Variants in TLN2 observed in about 807,000 individuals in gnomAD.
TLN2 encodes talin 2, also known as talin-2.
In TLN2, 118 loss-of-function variants were observed where a neutral mutation model predicts 294.7. The ratio of observed to expected loss-of-function variants is 0.40; its 90% CI spans 0.34 to 0.47. TLN2 has a LOEUF of 0.47. Among genes scored for constraint, TLN2 ranks in the 20% least tolerant of loss-of-function variants. The pLI, the probability that TLN2 is intolerant of heterozygous loss-of-function variation, is 0.84. For synonymous variants in TLN2, 1,431 were observed against 1,304.5 expected, an observed-to-expected ratio of 1.10 and a Z score of -2.09; for missense variants, 3,083 against 3,282.2, an observed-to-expected ratio of 0.94 and a Z score of 1.48.
intron 1 of TLN2, among the ~76,000 whole-genome samples, chr15:62,462,183 G>A (rs1444074697): frequency 4.6e-5 from 7 of 152,216 alleles, no homozygotes; most frequent in African/African-American, 1.7e-4. Flanking sequence ...GCAGTGAGCC[G>A]AGATTGCGGC....
intron 31 of TLN2, 187 bp from the exon 32 acceptor site, chr15:62,740,443 C>T: frequency 1.5e-6 from 1 of 669,018 alleles, no homozygotes; most frequent in Non-Finnish European, 2.5e-6. Flanking sequence ...TTGATCTGAG[C>T]ATCTGTTTGG....
chr15:62,710,890 T>C lies in TLN2; in HGVS notation c.2468-1021T>C, dbSNP rs547554379. Among the ~76,000 whole-genome samples, 3 of 152,084 alleles carry C rather than the reference T, an allele frequency of 2.0e-5. No individual in the cohort carries two copies. The South Asian group carries it at 6.2e-4, about 32-fold the overall frequency. On this transcript the variant is annotated intron_variant, in intron 21 of 58. Coordinates refer to ENST00000636159, the MANE Select transcript of TLN2 (RefSeq NM_015059.3). ...ACAGGCGCCCACCACCACGCCCGGC[T>C]AATTTTTTTGTGTTTTTAGTAGAGA...
At chr15:62,697,171 G>A (rs1036754908) in intron 14 of TLN2, among the ~76,000 whole-genome samples, 8 of 151,994 alleles carry the variant, frequency 5.3e-5, no homozygotes, top group African/African-American at 7.2e-5. Flanking sequence ...ACAGTGGCGC[G>A]ATCATAGCTC....
chr15:62,411,292 A>T (rs1489392573), intron 1 of TLN2, among the ~76,000 whole-genome samples: 3 of 152,236 alleles, frequency 2.0e-5, no homozygotes, highest in African/African-American at 4.8e-5. Context: ...TGTCCTCATG[A>T]GTAAAACGTG....
rs2070652353 is a variant in TLN2 at position 62,841,180 on chromosome 15, CTTT to C, written c.*571_*573del. ...AAAAATTCCCGCCCCTGTTTGCACG[CTTT>C]CTTGCCTCCGTGTGTAAGCTCCTTG... On this transcript the variant is annotated 3_prime_UTR_variant, in exon 59 of 59. Transcript: ENST00000636159. The C allele has an allele frequency of 1.3e-5, 2 of 152,908 alleles. No homozygotes were observed. Among genetic ancestry groups the C allele is most frequent in the South Asian group, 4.1e-4 (2 of 4,828 alleles). The allele number at this position is 152,908 out of a possible 1,614,324, so 9.5% of individuals were successfully genotyped here. A position where few individuals can be genotyped will look rare whatever the true frequency, so the allele number is the denominator to read the frequency against.
chr15:62,509,073 TTAAG>T (rs1299298970), intron 1 of TLN2, among the ~76,000 whole-genome samples: 1 of 152,202 alleles, frequency 6.6e-6, no homozygotes, highest in East Asian at 1.9e-4. Context: ...TATAGAAAGC[TTAAG>T]TAAGGTGCTT....
intron 1 of TLN2, among the ~76,000 whole-genome samples, chr15:62,480,706 A>T (rs770680684): frequency 1.3e-5 from 2 of 152,168 alleles, no homozygotes; most frequent in Non-Finnish European, 2.9e-5. Flanking sequence ...CCTGCGTTGC[A>T]TGCCCTACGT....
At chr15:62,575,849 A>G (rs145731118) in intron 1 of TLN2, among the ~76,000 whole-genome samples, 27 of 152,332 alleles carry the variant, frequency 1.8e-4, no homozygotes, top group Non-Finnish European at 2.9e-5. Context: ...TGTATGGAAA[A>G]TGCCCAGCCC....
chr15:62,427,612 C>A (rs142511876), intron 1 of TLN2, among the ~76,000 whole-genome samples: 1 of 152,110 alleles, frequency 6.6e-6, no homozygotes, highest in Non-Finnish European at 1.5e-5. Context: ...CCTCCCCTTC[C>A]GCAGCAGCAT....
At chr15:62,467,669 A>G (rs1158019673) in intron 1 of TLN2, among the ~76,000 whole-genome samples, 1 of 132,700 alleles carries the variant, frequency 7.5e-6, no homozygotes, top group African/African-American at 2.8e-5. Context: ...TGGGTGACAG[A>G]GTGAGACTCT....
intron 42 of TLN2, among the ~76,000 whole-genome samples, chr15:62,771,802 G>A (rs1255975182): frequency 6.6e-6 from 1 of 152,228 alleles, no homozygotes; most frequent in Non-Finnish European, 1.5e-5. Context: ...GATGGACTGG[G>A]CTGCAGGGTG....
intron 3 of TLN2, among the ~76,000 whole-genome samples, chr15:62,629,042 T>A (rs999573426): frequency 2.0e-5 from 3 of 151,884 alleles, no homozygotes; most frequent in Non-Finnish European, 4.4e-5. Flanking sequence ...AAAAAAAATT[T>A]AAAAATTAGC....
At chr15:62,644,894 G>C in intron 3 of TLN2, 1 of 295,192 alleles carries the variant, frequency 3.4e-6, no homozygotes, top group Non-Finnish European at 6.6e-6. Flanking sequence ...AGCCTGGGAA[G>C]GGCAGACTTC....
chr15:62,840,422 G>C lies in TLN2; in HGVS notation c.7501-60G>C, dbSNP rs115904438. The C allele has an allele frequency of 6.8e-4, 1,094 of 1,597,126 alleles. 5 individuals carry two copies. The African/African-American group carries it at 0.014, about 20-fold the overall frequency. On this transcript the variant is annotated intron_variant, in intron 58 of 58. Coordinates refer to ENST00000636159, the MANE Select transcript of TLN2 (RefSeq NM_015059.3). Reference sequence around the variant, plus strand: ...CCGTGGAGCTCACATGAGCAGTGGGGTGGGTCGGAGGGTTTTCTACAAAGT... The same window carrying C: ...CCGTGGAGCTCACATGAGCAGTGGGCTGGGTCGGAGGGTTTTCTACAAAGT...
At chr15:62,450,644 T>A (rs2036080746) in intron 1 of TLN2, among the ~76,000 whole-genome samples, 1 of 152,048 alleles carries the variant, frequency 6.6e-6, no homozygotes, top group African/African-American at 2.4e-5. Context: ...GCATGAACGC[T>A]GATCACTGCA....
intron 48 of TLN2, among the ~76,000 whole-genome samples, chr15:62,799,818 A>T (rs183760377): frequency 2.6e-5 from 4 of 152,256 alleles, no homozygotes; most frequent in African/African-American, 4.8e-5. Flanking sequence ...ATTTGAGTTA[A>T]GGCCCAAGTG....
chr15:62,620,983 C>T (rs937578116), intron 3 of TLN2, among the ~76,000 whole-genome samples: 4 of 151,720 alleles, frequency 2.6e-5, no homozygotes, highest in South Asian at 2.1e-4. Context: ...GGACTGCAGG[C>T]GCCCGCCACC....
chr15:62,417,782 A>G (rs969540035), intron 1 of TLN2, among the ~76,000 whole-genome samples: 3 of 152,222 alleles, frequency 2.0e-5, no homozygotes, highest in Non-Finnish European at 2.9e-5. Context: ...AAGTAGCACC[A>G]TTGGAGGAAT....
chr15:62,741,853 T>C (rs2061348050), intron 32 of TLN2, among the ~76,000 whole-genome samples: 1 of 150,522 alleles, frequency 6.6e-6, no homozygotes, highest in Non-Finnish European at 1.5e-5. Context: ...GCTTTAATAC[T>C]TGACTAACTC....
Sources: allele counts gnomAD v4.1 joint callset (sites outside exome capture counted in the v4.1 genomes callset), GRCh38; gene constraint gnomAD v4.1.1; transcripts MANE v1.5; gene names NCBI Gene and HGNC (gene_info 2026-07-23, HGNC 2026-07-21).